The following LHFPL4 variants were observed in gnomAD, a reference collection of about 807,000 sequenced individuals.
LHFPL4 encodes LHFPL tetraspan subfamily member 4, also known as LHFPL tetraspan subfamily member 4 protein.
In LHFPL4, 6 loss-of-function variants were observed where a neutral mutation model predicts 20.0. The ratio of observed to expected loss-of-function variants is 0.30; its 90% CI spans 0.16 to 0.59. The LOEUF is 0.59. LHFPL4 is among the 20% of genes least tolerant of loss of function. The probability of loss-of-function intolerance (pLI) is 0.88; values close to 1 mark genes in which losing one functional copy is unlikely to be tolerated. For synonymous variants in LHFPL4, 129 were observed against 143.8 expected (o/e 0.90, Z 0.74); for missense variants, 215 against 331.2 (o/e 0.65, Z 2.72).
intron 2 of LHFPL4, among the ~76,000 whole-genome samples, chr3:9,512,123 G>T (rs1252010260): frequency 6.6e-6 from 1 of 152,142 alleles, no homozygotes; most frequent in Non-Finnish European, 1.5e-5. Flanking sequence ...TAGTAGAGAC[G>T]GGGTTTCAAG....
At chr3:9,511,241 C>T (rs1171303050) in intron 2 of LHFPL4, among the ~76,000 whole-genome samples, 2 of 151,690 alleles carry the variant, frequency 1.3e-5, no homozygotes, top group African/African-American at 2.4e-5. Flanking sequence ...GTCCCAGCTA[C>T]TCGGGAGGCT....
intron 2 of LHFPL4, among the ~76,000 whole-genome samples, chr3:9,541,463 A>T (rs571591194): frequency 5.3e-5 from 8 of 152,188 alleles, no homozygotes; most frequent in Non-Finnish European, 1.2e-4. Context: ...CACACCGTAT[A>T]CAAATATTAA....
Position 9,516,660 on chromosome 3 carries a change from G to A in LHFPL4, c.407-10457C>T, listed in dbSNP as rs564133457. On this transcript the variant is annotated intron_variant, in intron 2 of 3. Transcript: ENST00000287585. ...GGCTAATTTTTGTAATTTTAGTAGAGACGGGGTTTCACCATGTTGGCTAGG... is the reference window on the plus strand; with the variant it reads ...GGCTAATTTTTGTAATTTTAGTAGAAACGGGGTTTCACCATGTTGGCTAGG... 2.6e-5 allele frequency among the ~76,000 whole-genome samples: 4 copies of A among 152,060 alleles called. No homozygotes were observed. The South Asian group carries it at 8.3e-4, about 32-fold the overall frequency.
intron 2 of LHFPL4, among the ~76,000 whole-genome samples, chr3:9,514,587 C>T (rs988268486): frequency 2.0e-5 from 3 of 152,160 alleles, no homozygotes; most frequent in Admixed American, 6.5e-5. Context: ...TGTGTAATGA[C>T]GTTTATGTAC....
At chr3:9,510,315 G>A (rs1279970381) in intron 2 of LHFPL4, among the ~76,000 whole-genome samples, 2 of 151,914 alleles carry the variant, frequency 1.3e-5, no homozygotes, top group South Asian at 2.1e-4. Context: ...GCATGTACTC[G>A]TAGTCCCAGC....
rs74640433 is a variant in LHFPL4 at position 9,514,056 on chromosome 3, C to G, written c.407-7853G>C. Among the ~76,000 whole-genome samples the G allele has an allele frequency of 6.9e-4, 105 of 152,226 alleles. 1 individual carries two copies. The highest frequency in any genetic ancestry group is 2.5e-3 in the African/African-American group (104 of 41,548). ...AAGAGGCATCTGGCTATATAACTTA[C>G]GGTGGTATCTATGCCATGGCATAGT... is the stretch of plus-strand genomic sequence containing the variant. On this transcript the variant is annotated intron_variant, in intron 2 of 3. Transcript: ENST00000287585.
chr3:9,524,336 CT>C (rs1394364292), intron 2 of LHFPL4, among the ~76,000 whole-genome samples: 1 of 151,710 alleles, frequency 6.6e-6, no homozygotes, highest in African/African-American at 2.4e-5. Flanking sequence ...AAAAGTTCTT[CT>C]GTTCCTTTCT....
intron 2 of LHFPL4, among the ~76,000 whole-genome samples, chr3:9,543,664 A>G (rs2046492280): frequency 6.6e-6 from 1 of 151,412 alleles, no homozygotes; most frequent in South Asian, 2.1e-4. Flanking sequence ...ATAGAAACAA[A>G]TATCATAAAT....
chr3:9,530,597 T>G (rs1347553017), intron 2 of LHFPL4, among the ~76,000 whole-genome samples: 5 of 152,206 alleles, frequency 3.3e-5, no homozygotes, highest in African/African-American at 1.2e-4. Context: ...TTCTTTCTCA[T>G]CATTCATGTG....
rs537981873 is a variant in LHFPL4 at position 9,507,039 on chromosome 3, T to C, written c.407-836A>G. On this transcript the variant is annotated intron_variant, in intron 2 of 3. Coordinates refer to ENST00000287585, the MANE Select transcript of LHFPL4 (RefSeq NM_198560.3). ...GTGCCAATGATAGGACTTAGCCTAG[T>C]TCTTCCCCTAACTTGGCTGTATGAC... Among the ~76,000 whole-genome samples, 5 of 152,368 alleles carry C rather than the reference T, an allele frequency of 3.3e-5. No homozygotes were observed. The South Asian group carries it at 1.0e-3, about 32-fold the overall frequency.
At chr3:9,549,527 C>T (rs1024192799) in intron 2 of LHFPL4, among the ~76,000 whole-genome samples, 1 of 152,120 alleles carries the variant, frequency 6.6e-6, no homozygotes, top group African/African-American at 2.4e-5. Flanking sequence ...GAAACCCCAT[C>T]TCTACTAAAA....
chr3:9,509,241 A>ACCCC (rs34646923), intron 2 of LHFPL4, among the ~76,000 whole-genome samples: 1 of 128,270 alleles, frequency 7.8e-6, no homozygotes, highest in African/African-American at 3.2e-5. Context: ...CTTTCTTCGC[A>ACCCC]CCCCCCTCTC....
intron 2 of LHFPL4, among the ~76,000 whole-genome samples, chr3:9,531,636 T>C (rs998019933): frequency 6.6e-6 from 1 of 152,132 alleles, no homozygotes; most frequent in Non-Finnish European, 1.5e-5. Flanking sequence ...ACCCCGTCTC[T>C]ACTAAAAATA....
At chr3:9,534,854 T>G (rs2046435747) in intron 2 of LHFPL4, among the ~76,000 whole-genome samples, 2 of 152,198 alleles carry the variant, frequency 1.3e-5, no homozygotes, top group South Asian at 4.1e-4. Flanking sequence ...CTTGCCAATT[T>G]ACAGGAATTT....
At chr3:9,527,368 A>G (rs2046382143) in intron 2 of LHFPL4, among the ~76,000 whole-genome samples, 2 of 152,166 alleles carry the variant, frequency 1.3e-5, no homozygotes, top group Admixed American at 1.3e-4. Flanking sequence ...CAGGAGTTTG[A>G]GACTAGCCTG....
At chr3:9,553,402 A>AG (rs1194033800) in intron 1 of LHFPL4, among the ~76,000 whole-genome samples, 3 of 80,920 alleles carry the variant, frequency 3.7e-5, no homozygotes, top group Non-Finnish European at 5.3e-5. Flanking sequence ...GGGGCGAGGA[A>AG]GGGGGGGCTG....
intron 2 of LHFPL4, among the ~76,000 whole-genome samples, chr3:9,541,711 G>T (rs1465321640): frequency 6.6e-6 from 1 of 151,756 alleles, no homozygotes; most frequent in Non-Finnish European, 1.5e-5. Context: ...GGCAGAGGTT[G>T]CAATGAGTCG....
In LHFPL4 at chr3:9,552,702, G is replaced by T; in HGVS notation, c.-23C>A. ...CATGGTGCCCGGAGGCGGGGCCGGC[G>T]GCGGCGGCGGCTGGCGGGGGCCGCC... On this transcript the variant is annotated 5_prime_UTR_variant, in exon 2 of 4. Transcript: ENST00000287585. The T allele has an allele frequency of 3.0e-6, 4 of 1,319,272 alleles. No homozygotes were observed. Among genetic ancestry groups the T allele is most frequent in the South Asian group, 2.7e-5 (1 of 37,614 alleles). The allele number at this position is 1,319,272 out of a possible 1,614,324, so 81.7% of individuals were successfully genotyped here.
intron 2 of LHFPL4, among the ~76,000 whole-genome samples, chr3:9,543,283 C>T (rs1004254650): frequency 1.3e-5 from 2 of 151,808 alleles, no homozygotes; most frequent in South Asian, 2.1e-4. Context: ...GGGCGGATCA[C>T]GAGGTCAGGA....
Sources: allele counts gnomAD v4.1 joint callset (sites outside exome capture counted in the v4.1 genomes callset), GRCh38; gene constraint gnomAD v4.1.1; transcripts MANE v1.5; gene names NCBI Gene and HGNC (gene_info 2026-07-23, HGNC 2026-07-21).